TAS2R14: variants seen among roughly 807,000 people sequenced by gnomAD.
TAS2R14 encodes the protein taste 2 receptor member 14, also known as taste receptor type 2 member 14.
For synonymous variants in TAS2R14, 131 were observed against 131.0 expected, an observed-to-expected ratio of 1.00 and a Z score of 0.00; for missense variants, 383 against 372.0, an observed-to-expected ratio of 1.03 and a Z score of -0.24.
At chr12:10,938,187 T>C (rs1950321063) in exon 1 of TAS2R14, 1 of 1,083,816 alleles carries the variant, frequency 9.2e-7, no homozygotes, top group South Asian at 1.6e-5. Context: ...AATGAAAGAA[T>C]CTTAAGGAAG....
At chr12:10,938,444 T>G in exon 1 of TAS2R14, 1 of 1,613,990 alleles carries the variant, frequency 6.2e-7, no homozygotes, top group South Asian at 1.1e-5. Flanking sequence ...CTCCAACCTT[T>G]CAGAGGTCCA....
chr12:10,939,100 G>A (rs1344658488), exon 1 of TAS2R14: 1 of 1,613,766 alleles, frequency 6.2e-7, no homozygotes, highest in African/African-American at 1.3e-5. Context: ...TTCTTCCCTT[G>A]ACCCAGTCAA....
At chr12:10,938,234 C>A in exon 1 of TAS2R14, 1 of 1,469,320 alleles carries the variant, frequency 6.8e-7, no homozygotes, top group South Asian at 1.3e-5. Flanking sequence ...TTCTTAGGAG[C>A]TATTTTTTTT....
At chr12:10,938,536 G>T in exon 1 of TAS2R14, 1 of 1,614,038 alleles carries the variant, frequency 6.2e-7, no homozygotes, top group Non-Finnish European at 8.5e-7. Context: ...TGTGGGCTTT[G>T]GTGCTGGCGT....
chr12:10,938,437 C>A (rs1432016783), exon 1 of TAS2R14: 1 of 1,613,972 alleles, frequency 6.2e-7, no homozygotes, highest in Non-Finnish European at 8.5e-7. Context: ...GATTTTCCTC[C>A]AACCTTTCAG....
At chr12:10,939,047 G>C in exon 1 of TAS2R14, 1 of 1,613,966 alleles carries the variant, frequency 6.2e-7, no homozygotes, top group Non-Finnish European at 8.5e-7. Context: ...GCTAATTCGA[G>C]AGATTGCCAA....
chr12:10,938,165 A>T, exon 1 of TAS2R14: 1 of 906,676 alleles, frequency 1.1e-6, no homozygotes, highest in Admixed American at 3.0e-5. Context: ...TAAAATTCAC[A>T]AAGTTATACA....
At chr12:10,938,512 A>G in exon 1 of TAS2R14, 1 of 1,614,062 alleles carries the variant, frequency 6.2e-7, no homozygotes, top group African/African-American at 1.3e-5. Flanking sequence ...AAGTGATCAC[A>G]CTTTTAACTC....
exon 1 of TAS2R14, chr12:10,938,454 A>C: frequency 6.2e-7 from 1 of 1,614,098 alleles, no homozygotes; most frequent in African/African-American, 1.3e-5. Context: ...TCAGAGGTCC[A>C]AACTGATATG....
exon 1 of TAS2R14, chr12:10,937,416 T>C (rs1438835056): frequency 6.6e-6 from 1 of 152,056 alleles, no homozygotes; most frequent in Non-Finnish European, 1.5e-5. Context: ...TTGATAGTTT[T>C]TAACAGAGAT....
At position 10,938,764 on chromosome 12, in the gene TAS2R14, T is replaced by G. The variant is rs1372750294; in HGVS notation, c.444A>C (p.Ile148=). The stretch of plus-strand genomic sequence containing the variant: ...TGATACTGGCATTTATATGGATGTT[T>G]ATCAGTGCAATATTTAAAAACAAGA... The change falls in exon 1 of 1, where the codon ATA becomes ATC. Residue 148 remains isoleucine (I), a synonymous_variant. Coordinates refer to ENST00000537503, the Ensembl canonical transcript of TAS2R14. The G allele has an allele frequency of 2.5e-6, 4 of 1,613,830 alleles. No individual in the cohort carries two copies. In the South Asian group the frequency reaches 4.4e-5, roughly 18 times the overall value.
chr12:10,939,174 C>G, exon 1 of TAS2R14: 2 of 1,594,938 alleles, frequency 1.3e-6, no homozygotes, highest in Non-Finnish European at 1.7e-6. Context: ...ACAATTAAAA[C>G]GAATGTAAAT....
chr12:10,938,170 T>C (rs1319755513), exon 1 of TAS2R14: 3 of 947,146 alleles, frequency 3.2e-6, no homozygotes, highest in East Asian at 5.3e-5. Flanking sequence ...TTCACAAAGT[T>C]ATACACAATG....
exon 1 of TAS2R14, chr12:10,939,097 C>A: frequency 1.2e-6 from 2 of 1,613,900 alleles, no homozygotes; most frequent in Non-Finnish European, 1.7e-6. Context: ...TCTTTCTTCC[C>A]TTGACCCAGT....
At chr12:10,939,063 T>C in exon 1 of TAS2R14, 1 of 1,613,984 alleles carries the variant, frequency 6.2e-7, no homozygotes, top group Non-Finnish European at 8.5e-7. Flanking sequence ...GCCAAAGCAG[T>C]GAGGATCCGA....
chr12:10,938,193 G>A, exon 1 of TAS2R14: 1 of 1,125,562 alleles, frequency 8.9e-7, no homozygotes, highest in East Asian at 2.5e-5. Flanking sequence ...AGAATCTTAA[G>A]GAAGTATAAA....
chr12:10,938,681 GA>G (rs1395970980), intron 4 of TAS2R14: 10 of 1,613,898 alleles, frequency 6.2e-6, no homozygotes, highest in Non-Finnish European at 8.5e-6. Context: ...AATAAGACTG[GA>G]AAATCGTGTA....
chr12:10,938,586 G>A, exon 1 of TAS2R14: 1 of 1,613,964 alleles, frequency 6.2e-7, no homozygotes, highest in Non-Finnish European at 8.5e-7. Context: ...TTCTTGCGAT[G>A]TTTCCACATG....
In TAS2R14 at chr12:10,938,567, T is replaced by C. The variant is rs140358524; in HGVS notation, c.641A>G (p.His214Arg). The change falls in exon 1 of 1, where the codon CAC (histidine) becomes CGC (arginine). Residue 214 changes from histidine (H) to arginine (R), a missense_variant. By Grantham distance (29) the His-to-Arg change is conservative. Coordinates refer to ENST00000537503, the Ensembl canonical transcript of TAS2R14. ...GGCGTCTCCGGATATTTTGACAGTG[T>C]GCTGCATCTTCTTGCGATGTTTCCA... is the stretch of plus-strand genomic sequence containing the variant. The C allele has an allele frequency of 5.4e-5, 87 of 1,613,904 alleles. No homozygotes were observed. Among genetic ancestry groups the C allele is most frequent in the Non-Finnish European group, 6.5e-5 (77 of 1,179,998 alleles).
Sources: gnomAD v4.1 joint callset for allele counts on GRCh38, gnomAD v4.1.1 for gene constraint, MANE v1.5 for transcripts, NCBI Gene and HGNC (gene_info 2026-07-23, HGNC 2026-07-21) for gene names.